LRRC37A2: variants seen among roughly 807,000 people sequenced by gnomAD.
LRRC37A2 encodes the protein leucine rich repeat containing 37 member A2.
LRRC37A2 carries 9 observed loss-of-function variants against 68.8 expected under a neutral mutation model. That is an observed-to-expected ratio of 0.13 (90% confidence interval 0.08 to 0.23). The LOEUF (loss-of-function observed/expected upper bound fraction) is 0.23, where lower values mean the gene tolerates loss of function less well. LRRC37A2 is among the 10% of genes least tolerant of loss of function. The pLI, the probability that LRRC37A2 is intolerant of heterozygous loss-of-function variation, is 1.00. For missense variants in LRRC37A2, 168 were observed against 950.4 expected, an observed-to-expected ratio of 0.18 and a Z score of 10.82; for synonymous variants, 63 against 367.6, an observed-to-expected ratio of 0.17 and a Z score of 9.48.
At chr17:47,012,572 G>A in the LRRC37A2 span, among the ~76,000 whole-genome samples, 1 of 152,016 alleles carries the variant, frequency 6.6e-6, no homozygotes, top group East Asian at 1.9e-4. Flanking sequence ...CAAAAGTTTG[G>A]GAAAATAGCT....
chr17:46,790,209 T>C, the LRRC37A2 span, among the ~76,000 whole-genome samples: 1 of 152,096 alleles, frequency 6.6e-6, no homozygotes. Flanking sequence ...GTCCTCTCCT[T>C]GCAACAGGCG....
chr17:46,800,504 C>T, the LRRC37A2 span, among the ~76,000 whole-genome samples: 1 of 131,404 alleles, frequency 7.6e-6, no homozygotes, highest in African/African-American at 2.6e-5. Context: ...GAATCCCTGC[C>T]CTCAGGGGCT....
chr17:46,758,433 G>A, the LRRC37A2 span, among the ~76,000 whole-genome samples: 1 of 152,272 alleles, frequency 6.6e-6, no homozygotes, highest in Non-Finnish European at 1.5e-5. Flanking sequence ...CAGAGCGTAT[G>A]AGATTACAGA....
At chr17:46,742,485 G>T in the LRRC37A2 span, among the ~76,000 whole-genome samples, 3 of 152,212 alleles carry the variant, frequency 2.0e-5, no homozygotes, top group Admixed American at 6.5e-5. Context: ...TCCTGATGAA[G>T]GAGAACTAGC....
the LRRC37A2 span, among the ~76,000 whole-genome samples, chr17:46,503,199 G>A: frequency 8.1e-6 from 1 of 123,164 alleles, no homozygotes. Context: ...GCGACAGAGG[G>A]AGACTCCGTC....
the LRRC37A2 span, chr17:46,940,010 T>G: frequency 3.0e-6 from 3 of 1,009,998 alleles, no homozygotes; most frequent in Non-Finnish European, 3.6e-6. Flanking sequence ...GGAAACCGGC[T>G]CAGTATTAAC....
the LRRC37A2 span, chr17:46,876,976 A>G: frequency 7.7e-7 from 1 of 1,292,456 alleles, no homozygotes; most frequent in Non-Finnish European, 9.8e-7. Flanking sequence ...AGGAGGGCAG[A>G]GTGAGAAAGA....
At chr17:47,011,601 T>A in the LRRC37A2 span, among the ~76,000 whole-genome samples, 1 of 151,186 alleles carries the variant, frequency 6.6e-6, no homozygotes, top group Non-Finnish European at 1.5e-5. Context: ...AGATGAGGTC[T>A]TGGTATGTTT....
chr17:46,923,473 T>C, the LRRC37A2 span: 10 of 1,392,806 alleles, frequency 7.2e-6, no homozygotes, highest in Non-Finnish European at 9.3e-6. Flanking sequence ...GACTACCTGC[T>C]GGGTAGACTG....
the LRRC37A2 span, among the ~76,000 whole-genome samples, chr17:47,029,140 T>TA: frequency 6.6e-6 from 1 of 151,986 alleles, no homozygotes; most frequent in Non-Finnish European, 1.5e-5. Context: ...ATTGTGCCAC[T>TA]ACACTCCAAC....
the LRRC37A2 span, among the ~76,000 whole-genome samples, chr17:46,731,736 G>A: frequency 6.6e-6 from 1 of 152,232 alleles, no homozygotes; most frequent in South Asian, 2.1e-4. Context: ...GAAATGGCAG[G>A]GGTTCTCTCT....
chr17:46,907,471 C>A, the LRRC37A2 span, among the ~76,000 whole-genome samples: 1 of 151,672 alleles, frequency 6.6e-6, no homozygotes, highest in Non-Finnish European at 1.5e-5. Context: ...CTTACCTGAG[C>A]ATCTCCTCTT....
chr17:46,752,759 G>A, the LRRC37A2 span, among the ~76,000 whole-genome samples: 2 of 151,638 alleles, frequency 1.3e-5, no homozygotes, highest in African/African-American at 2.4e-5. Flanking sequence ...CCTGGCCCTC[G>A]GTAACTTTTT....
the LRRC37A2 span, among the ~76,000 whole-genome samples, chr17:46,748,599 G>A: frequency 6.6e-6 from 1 of 152,188 alleles, no homozygotes; most frequent in African/African-American, 2.4e-5. Context: ...CTGGGATACA[G>A]GGAATCTAAC....
At chr17:46,864,369 G>A in the LRRC37A2 span, among the ~76,000 whole-genome samples, 1 of 152,092 alleles carries the variant, frequency 6.6e-6, no homozygotes, top group Non-Finnish European at 1.5e-5. Context: ...CACATACCAG[G>A]CCCTCTCCTT....
the LRRC37A2 span, among the ~76,000 whole-genome samples, chr17:46,856,578 G>A: frequency 1.7e-4 from 25 of 150,996 alleles, no homozygotes; most frequent in Middle Eastern, 3.4e-3. Context: ...TCCGCCTCCC[G>A]GTTCAAGTGA....
At chr17:46,474,210 C>T in the LRRC37A2 span, among the ~76,000 whole-genome samples, 1 of 104,088 alleles carries the variant, frequency 9.6e-6, no homozygotes. Context: ...CCACCACACC[C>T]AGCTAACTTT....
the LRRC37A2 span, chr17:46,770,062 G>A: frequency 6.5e-7 from 1 of 1,534,068 alleles, no homozygotes; most frequent in Non-Finnish European, 8.8e-7. Flanking sequence ...CGGGGAGGTC[G>A]TGGGGAGGCA....
chr17:46,809,857 G>A, the LRRC37A2 span, among the ~76,000 whole-genome samples: 26 of 152,126 alleles, frequency 1.7e-4, no homozygotes, highest in Non-Finnish European at 4.4e-5. Flanking sequence ...ACAGGAAGGA[G>A]CTGAGGACTC....
Sources: gnomAD v4.1 joint callset for allele counts (sites outside exome capture counted in the v4.1 genomes callset) on GRCh38, gnomAD v4.1.1 for gene constraint, MANE v1.5 for transcripts, NCBI Gene and HGNC (gene_info 2026-07-23, HGNC 2026-07-21) for gene names.